The following PTDSS2 variants were observed in gnomAD, a reference collection of about 807,000 sequenced individuals.
PTDSS2 encodes PSS-2.
PTDSS2 carries 41 observed loss-of-function variants against 64.7 expected under a neutral mutation model. The observed-to-expected ratio is 0.63, with a 90% CI of 0.49 to 0.82. The LOEUF (loss-of-function observed/expected upper bound fraction) is 0.82. Among genes scored for constraint, PTDSS2 ranks in the 40% least tolerant of loss-of-function variants. PTDSS2 has a pLI of 0.00. For synonymous variants in PTDSS2, 297 were observed against 277.8 expected, an observed-to-expected ratio of 1.07 and a Z score of -0.69; for missense variants, 485 against 650.0, an observed-to-expected ratio of 0.75 and a Z score of 2.76.
chr11:465,982 C>T (rs537552585), intron 2 of PTDSS2, among the ~76,000 whole-genome samples: 2 of 152,014 alleles, frequency 1.3e-5, no homozygotes, highest in Non-Finnish European at 2.9e-5. Context: ...GTTAAGGGAA[C>T]GAAAAGGTGA....
chr11:472,438 G>A (rs887331148), intron 2 of PTDSS2, among the ~76,000 whole-genome samples: 1 of 152,214 alleles, frequency 6.6e-6, no homozygotes, highest in Non-Finnish European at 1.5e-5. Context: ...GTCCCTGGAG[G>A]CTGACAGCGG....
intron 8 of PTDSS2, among the ~76,000 whole-genome samples, chr11:488,929 T>C (rs541072428): frequency 1.3e-5 from 2 of 152,196 alleles, no homozygotes; most frequent in Non-Finnish European, 2.9e-5. Context: ...CTCCCTCCCT[T>C]GGTTGCTTTG....
intron 2 of PTDSS2, among the ~76,000 whole-genome samples, chr11:464,354 G>A (rs754770955): frequency 2.0e-5 from 3 of 152,180 alleles, no homozygotes; most frequent in Non-Finnish European, 4.4e-5. Flanking sequence ...TCACGCGTAC[G>A]GCTGATGAGT....
Position 470,130 on chromosome 11 carries a change from C to G in PTDSS2, c.285-3765C>G, listed in dbSNP as rs1252778532. Among the ~76,000 whole-genome samples the G allele has an allele frequency of 6.6e-6, 1 of 152,194 alleles. No individual in the cohort carries two copies. The highest frequency in any genetic ancestry group is 2.4e-5 in the African/African-American group (1 of 41,440). Reference sequence around the variant, plus strand: ...ACCGCTGTGCGCTGCGCGTGGTGACCTGACCTCCTTCCTGGGCGTGCAGCA... The same window carrying G: ...ACCGCTGTGCGCTGCGCGTGGTGACGTGACCTCCTTCCTGGGCGTGCAGCA... On this transcript the variant is annotated intron_variant, in intron 2 of 11. Transcript: ENST00000308020. This position sits in a 1 kb window ranked among gnomAD's most constrained non-coding sequence, Gnocchi z 5.3.
In PTDSS2 at chr11:484,548, ACGGGCGCG is replaced by A. The variant is rs377179637; in HGVS notation, c.436-2390_436-2383del. 8.4e-3 allele frequency among the ~76,000 whole-genome samples: 1,221 copies of A among 144,624 alleles called. 19 individuals are homozygous for A. The highest frequency in any genetic ancestry group is 0.034 in the African/African-American group (1,172 of 34,594). The allele number at this position is 144,624 out of a possible 152,430, so 94.9% of individuals were successfully genotyped here. A position where few individuals can be genotyped will look rare whatever the true frequency, so the allele number is the denominator to read the frequency against. ...GTGCGCAGGAGAGTGTAAACAGTGC[ACGGGCGCG>A]TGTGTGCTCACTGCGCAGGCATCTG... On this transcript the variant is annotated intron_variant, in intron 4 of 11. Coordinates refer to ENST00000308020, the MANE Select transcript of PTDSS2 (RefSeq NM_030783.3).
intron 2 of PTDSS2, among the ~76,000 whole-genome samples, chr11:466,401 C>CT (rs1226254389): frequency 0.046 from 5,537 of 120,754 alleles, 242 homozygotes; most frequent in East Asian, 0.12. Context: ...AACTGCCACT[C>CT]TTTTTTTTTT....
rs1846804916 is a variant in PTDSS2 at position 460,075 on chromosome 11, AGT to A, written c.183-110_183-109del. 1.3e-6 allele frequency: 1 copy of A among 773,660 alleles called. No homozygotes were observed. The highest frequency in any genetic ancestry group is 2.2e-6 in the Non-Finnish European group (1 of 455,782). The allele number at this position is 773,660 out of a possible 1,614,324, so 47.9% of individuals were successfully genotyped here. On this transcript the variant is annotated intron_variant, in intron 1 of 11. Transcript: ENST00000308020. This position sits in a 1 kb window ranked among gnomAD's most constrained non-coding sequence, Gnocchi z 5.8. ...GCCAGTTGCTGGTTGGGAGTTGGAGAGTGGAGTTTAAGCCCTCTCCTTGACGT... is the reference window on the plus strand; with the variant it reads ...GCCAGTTGCTGGTTGGGAGTTGGAGAGGAGTTTAAGCCCTCTCCTTGACGT...
rs1186501538 is a variant in PTDSS2, at chr11:487,019, A to T, written c.516A>T (p.Gly172=). 2 of 1,613,508 alleles carry T rather than the reference A, an allele frequency of 1.2e-6. No homozygotes were observed. The highest frequency in any genetic ancestry group is 3.3e-5 in the Admixed American group (2 of 60,004). Residue 172 remains glycine (G), a synonymous_variant, in exon 5 of 12, where the codon GGA becomes GGT. Coordinates refer to ENST00000308020, the MANE Select transcript of PTDSS2 (RefSeq NM_030783.3). ...CACTGCCAGAGAGAGACTACGGGGG[A>T]AACTGCCTCATCTACGACCCAGACA... ...GVPLPERDYG[G]NCLIYDPDNE... is the part of the protein sequence containing the mutation.
intron 3 of PTDSS2, among the ~76,000 whole-genome samples, chr11:474,618 A>G (rs915707183): frequency 6.6e-5 from 10 of 152,168 alleles, no homozygotes. Context: ...GCATCCCGCC[A>G]ATCTCAGTGT....
chr11:468,865 T>G (rs1590637494), intron 2 of PTDSS2, among the ~76,000 whole-genome samples: 2 of 104,148 alleles, frequency 1.9e-5, no homozygotes, highest in Admixed American at 1.2e-4. Flanking sequence ...TGGAGGGGAG[T>G]CTCTGAATAA....
At chr11:474,839 G>A (rs1221886563) in intron 3 of PTDSS2, among the ~76,000 whole-genome samples, 2 of 150,990 alleles carry the variant, frequency 1.3e-5, no homozygotes, top group South Asian at 2.1e-4. Flanking sequence ...TTTGTGATAC[G>A]GACATATTCA....
upstream of PTDSS2, among the ~76,000 whole-genome samples, chr11:448,694 C>A (rs957021676): frequency 6.6e-6 from 1 of 152,210 alleles, no homozygotes; most frequent in African/African-American, 2.4e-5. Context: ...ACAGTCAGGC[C>A]CCATCCCTGC....
Position 479,014 on chromosome 11 carries a change from C to T in PTDSS2, c.368-71C>T, listed in dbSNP as rs978330022. On this transcript the variant is annotated intron_variant, in intron 3 of 11. Coordinates refer to ENST00000308020, the MANE Select transcript of PTDSS2 (RefSeq NM_030783.3). The surrounding 1 kb of genome is among the most constrained non-coding windows in gnomAD (Gnocchi z 4.2). The stretch of plus-strand genomic sequence containing the variant: ...CACTGGGTGTGAAGGAGCCAGGAGC[C>T]GGCCTGGGGCTGAGCGGGGCCGTGG... 12 of 1,310,022 alleles carry T rather than the reference C, an allele frequency of 9.2e-6. No homozygotes were observed. The highest frequency in any genetic ancestry group is 7.3e-5 in the African/African-American group (5 of 68,724). 81.1% of individuals were successfully genotyped at this position (1,310,022 alleles called of 1,614,324 possible). A position where few individuals can be genotyped will look rare whatever the true frequency, so the allele number is the denominator to read the frequency against.
chr11:485,026 GGCGC>G (rs1848257586), intron 4 of PTDSS2, among the ~76,000 whole-genome samples: 1 of 133,834 alleles, frequency 7.5e-6, no homozygotes, highest in African/African-American at 2.9e-5. Flanking sequence ...ACAGTGCACG[GGCGC>G]GTGTGTGCTC....
intron 3 of PTDSS2, among the ~76,000 whole-genome samples, chr11:478,802 G>A (rs931124854): frequency 5.9e-5 from 9 of 152,154 alleles, no homozygotes; most frequent in South Asian, 4.1e-4. Flanking sequence ...AGCATCACTC[G>A]TAAACACAAG....
chr11:474,244 C>T (rs1356392918), intron 3 of PTDSS2, among the ~76,000 whole-genome samples: 1 of 152,212 alleles, frequency 6.6e-6, no homozygotes, highest in Non-Finnish European at 1.5e-5. Flanking sequence ...TCTCTTCCTG[C>T]TTCTGCCTCC....
At chr11:451,842 G>A (rs1007415016) in intron 1 of PTDSS2, among the ~76,000 whole-genome samples, 5 of 152,182 alleles carry the variant, frequency 3.3e-5, no homozygotes, top group Admixed American at 6.5e-5. Flanking sequence ...CGTGAGGTGT[G>A]GGCAGCTGCT....
upstream of PTDSS2, chr11:450,145 C>A (rs1189001261): frequency 7.2e-6 from 2 of 278,700 alleles, no homozygotes; most frequent in Non-Finnish European, 1.3e-5. Flanking sequence ...AGCTTGGTTC[C>A]TGCGACCTCA....
At chr11:482,343 C>G (rs887205276) in intron 4 of PTDSS2, among the ~76,000 whole-genome samples, 4 of 152,072 alleles carry the variant, frequency 2.6e-5, no homozygotes, top group African/African-American at 9.7e-5. Flanking sequence ...GTGCCTCACC[C>G]TCCGTAGTAG....
Sources: gnomAD v4.1 joint callset for allele counts (sites outside exome capture counted in the v4.1 genomes callset) on GRCh38, gnomAD v4.1.1 for gene constraint, Gnocchi (gnomAD v3.1) non-coding constraint, MANE v1.5 for transcripts, NCBI Gene and HGNC (gene_info 2026-07-23, HGNC 2026-07-21) for gene names.